The following ARHGAP26 variants were observed in gnomAD, a reference collection of about 807,000 sequenced individuals.
The protein encoded by ARHGAP26 is Rho GTPase activating protein 26.
Under a neutral mutation model 104.8 loss-of-function variants are expected in ARHGAP26, and 38 were observed. The observed-to-expected ratio is 0.36, with a 90% CI of 0.28 to 0.48. The LOEUF (loss-of-function observed/expected upper bound fraction) is 0.48. Ranked by LOEUF, ARHGAP26 falls within the 20% of genes least tolerant of loss-of-function variation. The probability of loss-of-function intolerance (pLI) is 0.99; values close to 1 mark genes in which losing one functional copy is unlikely to be tolerated. For synonymous variants in ARHGAP26, 341 were observed against 340.0 expected (o/e 1.00, Z -0.03); for missense variants, 704 against 947.9 (o/e 0.74, Z 3.38).
chr5:142,778,715 C>T (rs1756867653), intron 1 of ARHGAP26, among the ~76,000 whole-genome samples: 1 of 152,168 alleles, frequency 6.6e-6, no homozygotes, highest in African/African-American at 2.4e-5. Flanking sequence ...TCCAGCATTT[C>T]CCTGAGATGG....
At chr5:142,960,697 T>G (rs185103719) in intron 11 of ARHGAP26, among the ~76,000 whole-genome samples, 60 of 152,356 alleles carry the variant, frequency 3.9e-4, no homozygotes, top group Non-Finnish European at 1.0e-4. Flanking sequence ...TAAGCTTAAT[T>G]TATTGAGAAA....
chr5:142,928,096 G>A (rs544563395), intron 10 of ARHGAP26, among the ~76,000 whole-genome samples: 2 of 152,166 alleles, frequency 1.3e-5, no homozygotes, highest in African/African-American at 4.8e-5. Flanking sequence ...TCTCACTCTG[G>A]TTTGACTTTT....
chr5:142,959,782 A>G (rs1021550321), intron 11 of ARHGAP26, among the ~76,000 whole-genome samples: 3 of 152,208 alleles, frequency 2.0e-5, no homozygotes, highest in African/African-American at 7.2e-5. Context: ...AAACCCCTTC[A>G]CAGTAGTACC....
intron 1 of ARHGAP26, among the ~76,000 whole-genome samples, chr5:142,843,512 C>T (rs551119803): frequency 2.0e-5 from 3 of 152,360 alleles, no homozygotes; most frequent in South Asian, 2.1e-4. Context: ...GGCAAACCCA[C>T]GTGCTTTGCA....
chr5:142,948,451 G>T lies in ARHGAP26; in HGVS notation c.1107+16326G>T, dbSNP rs76825369. Among the ~76,000 whole-genome samples the T allele has an allele frequency of 2.6e-3, 398 of 151,594 alleles. 7 individuals carry two copies. The East Asian group carries it at 0.05, about 19-fold the overall frequency. ...TATGTATTTTAATTTCTTGCCATCT[G>T]CTGGCTTTCTTTGAATTTATGAAAA... is the stretch of plus-strand genomic sequence containing the variant. On this transcript the variant is annotated intron_variant, in intron 11 of 22. Coordinates refer to ENST00000645722, the MANE Select transcript of ARHGAP26 (RefSeq NM_001135608.3).
chr5:143,114,313 G>A (rs987919750), intron 17 of ARHGAP26, among the ~76,000 whole-genome samples: 20 of 152,166 alleles, frequency 1.3e-4, no homozygotes, highest in African/African-American at 4.8e-4. Context: ...GTTCTCGACA[G>A]AGGCCTCCTC....
At chr5:143,115,082 C>T (rs1795252614) in intron 17 of ARHGAP26, among the ~76,000 whole-genome samples, 1 of 152,046 alleles carries the variant, frequency 6.6e-6, no homozygotes, top group African/African-American at 2.4e-5. Flanking sequence ...CCTGTAATTC[C>T]AGCACTTTGG....
At chr5:142,992,040 T>C (rs1228296257) in intron 11 of ARHGAP26, among the ~76,000 whole-genome samples, 1 of 126,578 alleles carries the variant, frequency 7.9e-6, no homozygotes, top group Non-Finnish European at 1.6e-5. Context: ...AAACATATTA[T>C]CATTGTTATA....
At chr5:143,109,312 A>G (rs986008177) in intron 17 of ARHGAP26, among the ~76,000 whole-genome samples, 1 of 152,252 alleles carries the variant, frequency 6.6e-6, no homozygotes, top group Non-Finnish European at 1.5e-5. Context: ...ACACAGATAT[A>G]TAGGCGCAAA....
chr5:143,129,438 C>A (rs915738658), intron 18 of ARHGAP26, among the ~76,000 whole-genome samples: 1 of 152,172 alleles, frequency 6.6e-6, no homozygotes, highest in Non-Finnish European at 1.5e-5. Context: ...AAGGTCACAG[C>A]GCTAGTAAGT....
intron 17 of ARHGAP26, among the ~76,000 whole-genome samples, chr5:143,093,570 C>G (rs1190046552): frequency 6.6e-6 from 1 of 151,642 alleles, no homozygotes; most frequent in Non-Finnish European, 1.5e-5. Flanking sequence ...GTCTCTCTTT[C>G]TCTCTCTCTG....
chr5:142,954,783 G>T (rs897758267), intron 11 of ARHGAP26, among the ~76,000 whole-genome samples: 1 of 152,166 alleles, frequency 6.6e-6, no homozygotes, highest in Non-Finnish European at 1.5e-5. Flanking sequence ...CTAGCCCTTT[G>T]TCCTTATGGA....
intron 11 of ARHGAP26, among the ~76,000 whole-genome samples, chr5:142,998,957 TGG>T (rs1776816677): frequency 6.6e-6 from 1 of 152,180 alleles, no homozygotes; most frequent in African/African-American, 2.4e-5. Context: ...TGCTGTTTGC[TGG>T]TAAGATTTGA....
intron 1 of ARHGAP26, among the ~76,000 whole-genome samples, chr5:142,771,639 C>T (rs774842893): frequency 1.3e-5 from 2 of 152,208 alleles, no homozygotes; most frequent in Non-Finnish European, 1.5e-5. Context: ...CCAACTCTCT[C>T]CCTCTCCTGC....
chr5:142,841,016 A>C (rs1346629049), intron 1 of ARHGAP26, among the ~76,000 whole-genome samples: 1 of 152,232 alleles, frequency 6.6e-6, no homozygotes, highest in Non-Finnish European at 1.5e-5. Flanking sequence ...GATCTATAAC[A>C]GGTTATTTAG....
intron 11 of ARHGAP26, among the ~76,000 whole-genome samples, chr5:142,995,217 C>T (rs755434523): frequency 2.0e-5 from 3 of 152,100 alleles, no homozygotes; most frequent in East Asian, 1.9e-4. Flanking sequence ...CTATCACTAG[C>T]GTGAACAGGC....
chr5:142,919,022 T>A (rs993074391), intron 10 of ARHGAP26, among the ~76,000 whole-genome samples: 1 of 152,206 alleles, frequency 6.6e-6, no homozygotes, highest in Non-Finnish European at 1.5e-5. Flanking sequence ...AGGATAATTT[T>A]AAAAAATTTC....
At chr5:143,009,641 A>G (rs1054980774) in intron 11 of ARHGAP26, among the ~76,000 whole-genome samples, 2 of 152,154 alleles carry the variant, frequency 1.3e-5, no homozygotes, top group Non-Finnish European at 2.9e-5. Context: ...ATGGACCGTG[A>G]TAAGATAAAG....
At chr5:142,853,499 A>T (rs925595423) in intron 1 of ARHGAP26, among the ~76,000 whole-genome samples, 7 of 152,168 alleles carry the variant, frequency 4.6e-5, no homozygotes, top group African/African-American at 1.4e-4. Context: ...CCTAGCTTAG[A>T]TTTTGTATTG....
Sources: allele counts gnomAD v4.1 joint callset (sites outside exome capture counted in the v4.1 genomes callset), GRCh38; gene constraint gnomAD v4.1.1; transcripts MANE v1.5; gene names NCBI Gene and HGNC (gene_info 2026-07-23, HGNC 2026-07-21).